PTK2B: variants seen among roughly 807,000 people sequenced by gnomAD.
PTK2B encodes protein tyrosine kinase 2 beta.
PTK2B carries 71 observed loss-of-function variants against 142.9 expected under a neutral mutation model. The ratio of observed to expected loss-of-function variants is 0.50; its 90% confidence interval spans 0.41 to 0.61. The LOEUF (loss-of-function observed/expected upper bound fraction) is 0.61. Among genes scored for constraint, PTK2B ranks in the 20% least tolerant of loss-of-function variants. The pLI, the probability that PTK2B is intolerant of heterozygous loss-of-function variation, is 0.00. For missense variants in PTK2B, 1,105 were observed against 1,320.4 expected, an observed-to-expected ratio of 0.84 and a Z score of 2.53; for synonymous variants, 519 against 503.4, an observed-to-expected ratio of 1.03 and a Z score of -0.42.
chr8:27,311,343 C>T (rs886421590), upstream of PTK2B: 1 of 1,336,324 alleles, frequency 7.5e-7, no homozygotes, highest in Admixed American at 2.9e-5. Context: ...AGTCCCTTCC[C>T]CTGGAACGCT....
intron 4 of PTK2B, 66 bp downstream of exon 4, chr8:27,420,810 T>C: frequency 7.0e-7 from 1 of 1,419,040 alleles, no homozygotes. Flanking sequence ...GCATGAACCG[T>C]TCTCTCCTAG....
chr8:27,449,191 C>A (rs904443222), intron 24 of PTK2B, among the ~76,000 whole-genome samples: 1 of 152,194 alleles, frequency 6.6e-6, no homozygotes, highest in African/African-American at 2.4e-5. Flanking sequence ...CTTAACCCCA[C>A]GAGAATAAGA....
chr8:27,439,385 C>T lies in PTK2B; in HGVS notation c.1821C>T (p.Asp607=), dbSNP rs763456365. The T allele has an allele frequency of 1.3e-5, 21 of 1,613,332 alleles. No individual in the cohort carries two copies. The highest frequency in any genetic ancestry group is 1.5e-5 in the Non-Finnish European group (18 of 1,179,298). Residue 607 remains aspartate, a synonymous_variant, in exon 20 of 31, where the codon GAC becomes GAT. Coordinates refer to ENST00000346049, the MANE Select transcript of PTK2B (RefSeq NM_173176.3). ...TCCGACGCTTCACGACAGCCAGTGA[C>T]GTCTGGATGTTCGGTGAGTGCTGAT... ...INFRRFTTAS[D]VWMFAVCMWE...
chr8:27,383,852 ATT>A (rs749255419), intron 1 of PTK2B, among the ~76,000 whole-genome samples: 2 of 116,580 alleles, frequency 1.7e-5, no homozygotes, highest in African/African-American at 6.1e-5. Context: ...CACCTGGCTA[ATT>A]TTTTTTTTTT....
At chr8:27,403,925 C>G (rs1463047173) in intron 2 of PTK2B, among the ~76,000 whole-genome samples, 1 of 151,112 alleles carries the variant, frequency 6.6e-6, no homozygotes, top group Non-Finnish European at 1.5e-5. Flanking sequence ...TTCTCCTTCT[C>G]CTTCTCTGCC....
chr8:27,373,690 ATT>A (rs35223125), intron 1 of PTK2B, among the ~76,000 whole-genome samples: 2 of 151,776 alleles, frequency 1.3e-5, no homozygotes, highest in African/African-American at 2.4e-5. Flanking sequence ...TCTAAAATAA[ATT>A]TTTTTTAAAA....
intron 1 of PTK2B, among the ~76,000 whole-genome samples, chr8:27,328,935 G>A (rs1262516723): frequency 6.8e-6 from 1 of 148,040 alleles, no homozygotes; most frequent in South Asian, 2.1e-4. Context: ...GAGCCCTTGC[G>A]TGCAACCTTT....
chr8:27,431,028 C>G lies in PTK2B; in HGVS notation c.810+12C>G. On this transcript the variant is annotated intron_variant, in intron 8 of 30. Transcript: ENST00000346049. ...GCTGTGAACTCATTGTAATGGCGGG[C>G]TCTCTTGATCCTCTCCCTGACCTGG... The G allele has an allele frequency of 6.2e-7, 1 of 1,607,240 alleles. No homozygotes were observed. Among genetic ancestry groups the G allele is most frequent in the Non-Finnish European group, 8.5e-7 (1 of 1,175,762 alleles).
intron 3 of PTK2B, among the ~76,000 whole-genome samples, chr8:27,319,318 CT>C (rs35130657): frequency 3.8e-4 from 54 of 141,706 alleles, no homozygotes; most frequent in Middle Eastern, 7.2e-3. Context: ...TTAAAGCAAC[CT>C]TTTTTTTTTT....
intron 1 of PTK2B, among the ~76,000 whole-genome samples, chr8:27,337,691 C>A (rs148079753): frequency 5.9e-5 from 9 of 152,136 alleles, no homozygotes; most frequent in African/African-American, 2.2e-4. Flanking sequence ...ATTAGTACTT[C>A]GTTTCGTTTT....
intron 2 of PTK2B, among the ~76,000 whole-genome samples, chr8:27,409,238 A>G (rs1808907114): frequency 6.6e-6 from 1 of 152,182 alleles, no homozygotes; most frequent in Non-Finnish European, 1.5e-5. Flanking sequence ...TTCAACCCAT[A>G]TGGTATCTTA....
intron 1 of PTK2B, among the ~76,000 whole-genome samples, chr8:27,370,557 T>G (rs1171947642): frequency 6.6e-6 from 1 of 152,230 alleles, no homozygotes; most frequent in Non-Finnish European, 1.5e-5. Context: ...GATTTCCCTT[T>G]TGTAAAATAT....
At chr8:27,434,481 T>C (rs1347551133) in intron 12 of PTK2B, 32 bp from the exon 13 acceptor site, 1 of 1,599,010 alleles carries the variant, frequency 6.3e-7, no homozygotes, top group South Asian at 1.1e-5. Context: ...GCCTCTGAGC[T>C]CACCTGGCTT....
intron 2 of PTK2B, among the ~76,000 whole-genome samples, chr8:27,408,319 G>A (rs1463234012): frequency 6.6e-6 from 1 of 152,240 alleles, no homozygotes; most frequent in Admixed American, 6.5e-5. Flanking sequence ...CTTGATTCCA[G>A]AGAGGGCCTG....
At chr8:27,328,058 C>A (rs1803525759) in intron 1 of PTK2B, among the ~76,000 whole-genome samples, 1 of 152,056 alleles carries the variant, frequency 6.6e-6, no homozygotes, top group South Asian at 2.1e-4. Context: ...TGGGGTTAGC[C>A]CTTGGGTTGG....
Position 27,442,954 on chromosome 8 carries a change from C to G in PTK2B, c.2119C>G (p.Pro707Ala). 6.2e-7 allele frequency: 1 copy of G among 1,614,094 alleles called. No homozygotes were observed. The highest frequency in any genetic ancestry group is 1.3e-5 in the African/African-American group (1 of 75,054). Residue 707 changes from proline to alanine, a missense_variant, in exon 22 of 31, where the codon CCC (proline) becomes GCC (alanine). Transcript: ENST00000346049. The stretch of plus-strand genomic sequence containing the variant: ...CTACCGAACCCCCAAAATCTTGGAG[C>G]CCACAGCCTTCCAGGAACCCCCACC... ...ARYRTPKILE[P>A]TAFQEPPPKP...
At chr8:27,434,021 TGAG>T (rs1436898229) in intron 11 of PTK2B, 69 bp from the exon 12 acceptor site, 10 of 1,525,344 alleles carry the variant, frequency 6.6e-6, no homozygotes, top group Non-Finnish European at 9.1e-6. Flanking sequence ...GTAGGAATAG[TGAG>T]GAGGTCAGTC....
chr8:27,389,157 T>C (rs1463578070), intron 1 of PTK2B, among the ~76,000 whole-genome samples: 1 of 152,152 alleles, frequency 6.6e-6, no homozygotes, highest in African/African-American at 2.4e-5. Flanking sequence ...TTCTTTTTAC[T>C]GGATTATGAT....
At chr8:27,430,231 AC>A in intron 6 of PTK2B, 76 bp downstream of exon 6, 2 of 1,572,342 alleles carry the variant, frequency 1.3e-6, no homozygotes, top group South Asian at 2.2e-5. Flanking sequence ...CCTCTCCTCC[AC>A]CCCTCCCCAG....
Sources: allele counts gnomAD v4.1 joint callset (sites outside exome capture counted in the v4.1 genomes callset), GRCh38; gene constraint gnomAD v4.1.1; transcripts MANE v1.5; gene names NCBI Gene and HGNC (gene_info 2026-07-23, HGNC 2026-07-21).